CALD1: variants seen among roughly 807,000 people sequenced by gnomAD.
CALD1 encodes caldesmon.
In CALD1, 33 loss-of-function variants were observed where a neutral mutation model predicts 99.9. That is an observed-to-expected ratio of 0.33 (90% CI 0.25 to 0.44). The LOEUF is 0.44. CALD1 is among the 20% of genes least tolerant of loss of function. The probability of loss-of-function intolerance (pLI) is 1.00; values close to 1 mark genes in which losing one functional copy is unlikely to be tolerated. For missense variants in CALD1, 861 were observed against 962.1 expected, an observed-to-expected ratio of 0.89 and a Z score of 1.39; for synonymous variants, 310 against 325.0, an observed-to-expected ratio of 0.95 and a Z score of 0.50.
At chr7:134,923,287 G>A (rs1306301184) in intron 3 of CALD1, among the ~76,000 whole-genome samples, 1 of 152,094 alleles carries the variant, frequency 6.6e-6, no homozygotes, top group Non-Finnish European at 1.5e-5. Context: ...CATGGATTCT[G>A]GTCAAACAAA....
intron 1 of CALD1, among the ~76,000 whole-genome samples, chr7:134,830,606 T>C (rs1351049823): frequency 2.0e-5 from 3 of 152,034 alleles, no homozygotes; most frequent in Non-Finnish European, 2.9e-5. Context: ...TGTTCCCCTC[T>C]ATGTGTCCAT....
At chr7:134,765,042 C>T (rs10237533) in intron 1 of CALD1, among the ~76,000 whole-genome samples, 4,053 of 152,184 alleles carry the variant, frequency 0.027, 196 homozygotes, top group African/African-American at 0.09. Flanking sequence ...TCAGGCTGGG[C>T]GCGGTGGCTC....
intron 1 of CALD1, among the ~76,000 whole-genome samples, chr7:134,787,366 GGGAGGGGTGAATCTA>G (rs1157009849): frequency 1.3e-5 from 2 of 152,178 alleles, no homozygotes; most frequent in Non-Finnish European, 2.9e-5. Flanking sequence ...TAGGCTTAGG[GGGAGGGGTGAATCTA>G]GGAGAAAAAA....
intron 1 of CALD1, among the ~76,000 whole-genome samples, chr7:134,792,978 G>A (rs1797601974): frequency 6.6e-6 from 1 of 152,234 alleles, no homozygotes; most frequent in Non-Finnish European, 1.5e-5. Context: ...AGTCAAAAGA[G>A]GTTTTCGAAA....
At chr7:134,821,769 G>C (rs1447369553) in intron 1 of CALD1, among the ~76,000 whole-genome samples, 1 of 151,972 alleles carries the variant, frequency 6.6e-6, no homozygotes, top group African/African-American at 2.4e-5. Context: ...TTTTAGTAGA[G>C]ATGGGGTTTC....
intron 1 of CALD1, among the ~76,000 whole-genome samples, chr7:134,788,789 C>T (rs1436024107): frequency 1.3e-5 from 2 of 152,002 alleles, no homozygotes; most frequent in African/African-American, 4.8e-5. Flanking sequence ...CCAAGGCAGG[C>T]AGATTGCTTA....
At chr7:134,857,404 G>A (rs1447301978) in intron 2 of CALD1, among the ~76,000 whole-genome samples, 1 of 151,434 alleles carries the variant, frequency 6.6e-6, no homozygotes, top group South Asian at 2.1e-4. Flanking sequence ...TGATCCGCCC[G>A]CCTCGGCCTC....
intron 1 of CALD1, among the ~76,000 whole-genome samples, chr7:134,804,817 T>C (rs530055632): frequency 5.4e-4 from 83 of 152,362 alleles, no homozygotes; most frequent in African/African-American, 1.9e-3. Flanking sequence ...CAACAGGGTC[T>C]CCTTGCCCGC....
At chr7:134,817,325 T>A (rs1185569429) in intron 1 of CALD1, among the ~76,000 whole-genome samples, 1 of 152,184 alleles carries the variant, frequency 6.6e-6, no homozygotes, top group African/African-American at 2.4e-5. Context: ...TTTTCATTTT[T>A]AAACATTTTT....
At position 134,934,181 on chromosome 7, in the gene CALD1, T is replaced by C. The variant is rs6956245; in HGVS notation, c.1308+104T>C. On this transcript the variant is annotated intron_variant, in intron 5 of 14. Coordinates refer to ENST00000361675, the MANE Select transcript of CALD1 (RefSeq NM_033138.4). ...GGCCACATGCATATAGCTCACATGCTTGATCATTTGGCAAGCTGTTCATTT... is the reference window on the plus strand; with the variant it reads ...GGCCACATGCATATAGCTCACATGCCTGATCATTTGGCAAGCTGTTCATTT... The C allele has an allele frequency of 6.2e-3, 9,271 of 1,495,202 alleles. 520 individuals carry two copies. In the African/African-American group the frequency reaches 0.11, roughly 19 times the overall value. 92.6% of individuals were successfully genotyped at this position (1,495,202 alleles called of 1,614,324 possible).
chr7:134,924,125 TAAA>T (rs1313898281), intron 3 of CALD1, among the ~76,000 whole-genome samples: 1 of 152,184 alleles, frequency 6.6e-6, no homozygotes, highest in Non-Finnish European at 1.5e-5. Flanking sequence ...CAAGGTAAAT[TAAA>T]GAAATGGTTT....
intron 7 of CALD1, among the ~76,000 whole-genome samples, chr7:134,946,081 A>C (rs1254674934): frequency 1.3e-5 from 2 of 152,154 alleles, no homozygotes; most frequent in African/African-American, 4.8e-5. Context: ...AGGACTAGTA[A>C]GGCCACTACA....
intron 1 of CALD1, among the ~76,000 whole-genome samples, chr7:134,793,223 G>A (rs111233539): frequency 2.0e-5 from 3 of 152,336 alleles, no homozygotes; most frequent in African/African-American, 7.2e-5. Flanking sequence ...GCCTGCACAG[G>A]GCCCAAAGAG....
At chr7:134,938,336 C>T (rs1250873118) in intron 6 of CALD1, among the ~76,000 whole-genome samples, 3 of 152,206 alleles carry the variant, frequency 2.0e-5, no homozygotes, top group Non-Finnish European at 4.4e-5. Flanking sequence ...TTCTGAGTGT[C>T]TCTCTGGCAC....
the CALD1 span, among the ~76,000 whole-genome samples, chr7:134,731,334 G>A: frequency 0.3 from 45,618 of 152,064 alleles, 7,653 homozygotes; most frequent in East Asian, 0.6. Context: ...TTCCCTGCTT[G>A]CTTTCTCTTC....
chr7:134,772,695 T>G (rs952617423), intron 1 of CALD1, among the ~76,000 whole-genome samples: 16 of 152,238 alleles, frequency 1.1e-4, no homozygotes, highest in East Asian at 1.9e-4. Context: ...CTTGTACAAA[T>G]TTTTTTAAAT....
In CALD1 at chr7:134,773,782, CTGTGTGTGTG is replaced by C. The variant is rs36104737; in HGVS notation, c.-130+29455_-130+29464del. On this transcript the variant is annotated intron_variant, in intron 1 of 13. Coordinates refer to the CALD1 transcript ENST00000417172. ...TTCCATTTCCTACCCAACCTCTCTT[CTGTGTGTGTG>C]TGTGTGTGTGTGTGTGTGTGTGTGT... Among the ~76,000 whole-genome samples the C allele has an allele frequency of 8.4e-4, 116 of 138,744 alleles. 1 individual carries two copies. The highest frequency in any genetic ancestry group is 2.2e-3 in the South Asian group (9 of 4,082). 91.0% of individuals were successfully genotyped at this position (138,744 alleles called of 152,430 possible). A position where few individuals can be genotyped will look rare whatever the true frequency, so the allele number is the denominator to read the frequency against.
At position 134,769,866 on chromosome 7, in the gene CALD1, G is replaced by C. The variant is rs1036084156; in HGVS notation, c.-130+25503G>C. Among the ~76,000 whole-genome samples, 72 of 152,202 alleles carry C rather than the reference G, an allele frequency of 4.7e-4. 1 individual carries two copies. Among genetic ancestry groups the C allele is most frequent in the Non-Finnish European group, 7.4e-5 (5 of 68,026 alleles). On this transcript the variant is annotated intron_variant, in intron 1 of 13. Coordinates refer to the CALD1 transcript ENST00000417172. ...TTGGCCAGGCTGGTCTTGAACTCCT[G>C]ACCTCAGGTGATCCTCCTGCCTCGG...
chr7:134,807,316 G>A (rs1373807703), intron 1 of CALD1, among the ~76,000 whole-genome samples: 2 of 152,138 alleles, frequency 1.3e-5, no homozygotes, highest in Admixed American at 6.5e-5. Flanking sequence ...GTTTATTGAG[G>A]AGTCTCAACT....
Sources: allele counts gnomAD v4.1 joint callset (sites outside exome capture counted in the v4.1 genomes callset), GRCh38; gene constraint gnomAD v4.1.1; transcripts MANE v1.5; gene names NCBI Gene and HGNC (gene_info 2026-07-23, HGNC 2026-07-21).